RABGEF1: variants seen among roughly 807,000 people sequenced by gnomAD.
The protein encoded by RABGEF1 is RAB guanine nucleotide exchange factor 1.
Under a neutral mutation model 57.3 loss-of-function variants are expected in RABGEF1, and 26 were observed. That is an observed-to-expected ratio of 0.45 (90% CI 0.33 to 0.63). The LOEUF is 0.63. Among genes scored for constraint, RABGEF1 ranks in the 20% least tolerant of loss-of-function variants. RABGEF1 has a pLI of 0.02. For synonymous variants in RABGEF1, 185 were observed against 210.7 expected (o/e 0.88, Z 1.06); for missense variants, 464 against 607.6 (o/e 0.76, Z 2.48).
intron 2 of RABGEF1, among the ~76,000 whole-genome samples, chr7:66,772,771 G>T (rs1202427144): frequency 6.6e-6 from 1 of 151,890 alleles, no homozygotes; most frequent in Non-Finnish European, 1.5e-5. Flanking sequence ...AGTTAGCCGG[G>T]CATGGTGGTA....
intron 2 of RABGEF1, among the ~76,000 whole-genome samples, chr7:66,723,438 T>TA (rs1436920115): frequency 6.6e-6 from 1 of 152,258 alleles, no homozygotes; most frequent in Non-Finnish European, 1.5e-5. Context: ...TCATGAATAA[T>TA]ATAAGAACTT....
intron 1 of RABGEF1, among the ~76,000 whole-genome samples, chr7:66,763,724 T>C (rs1034424660): frequency 2.6e-5 from 4 of 152,354 alleles, no homozygotes; most frequent in African/African-American, 9.6e-5. Flanking sequence ...TTCAGATGAA[T>C]GGAATCATAT....
rs1789418810 is a variant in RABGEF1 at position 66,811,298 on chromosome 7, A to C, written c.*2014A>C. 6.6e-6 allele frequency: 1 copy of C among 152,106 alleles called. No homozygotes were observed. Among genetic ancestry groups the C allele is most frequent in the South Asian group, 2.1e-4 (1 of 4,828 alleles). The allele number at this position is 152,106 out of a possible 1,614,324, so 9.4% of individuals were successfully genotyped here. ...CTTCTGGTATGGACTCTTGCCTTAT[A>C]TAGAGGCTTCTATTTCTCTTAAGTC... On this transcript the variant is annotated 3_prime_UTR_variant, in exon 9 of 9. Coordinates refer to ENST00000284957, the MANE Select transcript of RABGEF1 (RefSeq NM_014504.3).
At position 66,723,731 on chromosome 7, in the gene RABGEF1, A is replaced by AGC. The variant is rs1796295569; in HGVS notation, c.-815+11507_-815+11508insGC. On this transcript the variant is annotated intron_variant and NMD_transcript_variant, in intron 2 of 9. Coordinates refer to the RABGEF1 transcript ENST00000607882. The stretch of plus-strand genomic sequence containing the variant: ...GAGTAGCTGGGATTACAGGGCTGTG[A>AGC]CACCACGCCTGGCCACTTTTGTATT... 1.5e-5 allele frequency among the ~76,000 whole-genome samples: 2 copies of AGC among 132,744 alleles called. 1 individual carries two copies. The highest frequency in any genetic ancestry group is 3.4e-5 in the Non-Finnish European group (2 of 58,908). The allele number at this position is 132,744 out of a possible 152,430, so 87.1% of individuals were successfully genotyped here.
chr7:66,749,207 G>A (rs992320671), intron 1 of RABGEF1: 1 of 152,328 alleles, frequency 6.6e-6, no homozygotes, highest in Admixed American at 6.5e-5. Context: ...TGTATTGCCT[G>A]TATTTTGCTC....
the RABGEF1 span, among the ~76,000 whole-genome samples, chr7:66,674,086 T>C: frequency 0.039 from 6,013 of 152,266 alleles, 166 homozygotes; most frequent in East Asian, 0.086. Context: ...CTGTTGGGAA[T>C]GTAAAATGCT....
At chr7:66,672,776 C>T in the RABGEF1 span, among the ~76,000 whole-genome samples, 1 of 152,250 alleles carries the variant, frequency 6.6e-6, no homozygotes, top group Admixed American at 6.5e-5. Flanking sequence ...TGGGAAAGAT[C>T]ATTTTTATTC....
chr7:66,764,073 A>G (rs746888016), intron 1 of RABGEF1, among the ~76,000 whole-genome samples: 7 of 152,180 alleles, frequency 4.6e-5, no homozygotes, highest in Admixed American at 1.3e-4. Flanking sequence ...TGGCTGTACC[A>G]TTTTACATTC....
rs570724571 is a variant in RABGEF1 at position 66,710,944 on chromosome 7, A to G, written c.-872-1223A>G. Reference sequence around the variant, plus strand: ...GATCACTTGAGGCCAGGAGTTTGAGACCAGCCTGGGCAACATAGCGAGACC... The same window carrying G: ...GATCACTTGAGGCCAGGAGTTTGAGGCCAGCCTGGGCAACATAGCGAGACC... On this transcript the variant is annotated intron_variant and NMD_transcript_variant, in intron 1 of 9. Coordinates refer to the RABGEF1 transcript ENST00000607882. 2.6e-5 allele frequency among the ~76,000 whole-genome samples: 4 copies of G among 151,916 alleles called. 1 individual carries two copies. In the South Asian group the frequency reaches 6.2e-4, roughly 24 times the overall value.
At chr7:66,780,474 A>C (rs1809637432) in intron 3 of RABGEF1, among the ~76,000 whole-genome samples, 1 of 152,226 alleles carries the variant, frequency 6.6e-6, no homozygotes, top group African/African-American at 2.4e-5. Context: ...CATTATCTAT[A>C]TGTAAGTTAC....
chr7:66,775,799 A>G (rs1808386315), intron 3 of RABGEF1, among the ~76,000 whole-genome samples: 2 of 151,992 alleles, frequency 1.3e-5, no homozygotes, highest in South Asian at 4.1e-4. Context: ...TCTGAGAGAG[A>G]GATTTTCTGC....
chr7:66,677,689 G>C (rs564224026), upstream of RABGEF1, among the ~76,000 whole-genome samples: 10 of 150,724 alleles, frequency 6.6e-5, no homozygotes, highest in East Asian at 2.0e-3. Context: ...GTGAACCCGG[G>C]AGGGGGAGAA....
intron 2 of RABGEF1, among the ~76,000 whole-genome samples, chr7:66,734,237 G>C (rs1182233042): frequency 6.6e-6 from 1 of 152,178 alleles, no homozygotes; most frequent in Non-Finnish European, 1.5e-5. Context: ...GGCAAGGAGA[G>C]GCACGGGTTA....
At chr7:66,805,462 A>G (rs2129190248) in intron 8 of RABGEF1, 66 bp downstream of exon 8, 1 of 1,590,568 alleles carries the variant, frequency 6.3e-7, no homozygotes, top group South Asian at 1.1e-5. Flanking sequence ...GGGATGTGAC[A>G]GGTCACTTAG....
At chr7:66,787,198 TAC>T in intron 4 of RABGEF1, among the ~76,000 whole-genome samples, 1 of 151,406 alleles carries the variant, frequency 6.6e-6, no homozygotes, top group African/African-American at 2.4e-5. Context: ...AGATAATTTT[TAC>T]TTTTTTTTTT....
chr7:66,673,087 A>G, the RABGEF1 span, among the ~76,000 whole-genome samples: 39 of 139,360 alleles, frequency 2.8e-4, no homozygotes, highest in African/African-American at 1.1e-3. Context: ...GGATGTGCCC[A>G]TGCTCAGGTG....
intron 1 of RABGEF1, among the ~76,000 whole-genome samples, chr7:66,692,615 G>A (rs1036637587): frequency 2.0e-5 from 3 of 152,296 alleles, no homozygotes; most frequent in African/African-American, 7.2e-5. Flanking sequence ...CTGGGGCCGA[G>A]CAGTCCAGCC....
At chr7:66,749,363 G>A (rs1562780417) in intron 1 of RABGEF1, among the ~76,000 whole-genome samples, 2 of 152,152 alleles carry the variant, frequency 1.3e-5, no homozygotes, top group African/African-American at 4.8e-5. Flanking sequence ...CCTAAATATA[G>A]TTATGTAATG....
the RABGEF1 span, among the ~76,000 whole-genome samples, chr7:66,657,397 G>A: frequency 0.66 from 100,519 of 152,144 alleles, 33,621 homozygotes; most frequent in African/African-American, 0.76. Flanking sequence ...TCACTGGTTG[G>A]AGATGAAATC....
Sources: allele counts gnomAD v4.1 joint callset (sites outside exome capture counted in the v4.1 genomes callset), GRCh38; gene constraint gnomAD v4.1.1; transcripts MANE v1.5; gene names NCBI Gene and HGNC (gene_info 2026-07-23, HGNC 2026-07-21).